PTPRG: variants seen among roughly 807,000 people sequenced by gnomAD.
PTPRG encodes protein tyrosine phosphatase receptor type G.
A neutral mutation model predicts 165.3 loss-of-function variants in PTPRG; 102 were observed. That is an observed-to-expected ratio of 0.62 (90% CI 0.53 to 0.73). PTPRG has a LOEUF of 0.73. Ranked by LOEUF, PTPRG falls within the 30% of genes least tolerant of loss-of-function variation. The pLI, the probability that PTPRG is intolerant of heterozygous loss-of-function variation, is 0.00. For missense variants in PTPRG, 1,866 were observed against 1,861.4 expected (o/e 1.00, Z -0.05); for synonymous variants, 675 against 669.5 (o/e 1.01, Z -0.13).
At chr3:61,937,139 A>G (rs2039501079) in intron 2 of PTPRG, among the ~76,000 whole-genome samples, 1 of 152,220 alleles carries the variant, frequency 6.6e-6, no homozygotes, top group South Asian at 2.1e-4. Flanking sequence ...CACTGGGGAT[A>G]TTCAGTTGCT....
At chr3:61,743,507 CTGTG>C (rs58642937) in intron 1 of PTPRG, among the ~76,000 whole-genome samples, 2 of 150,924 alleles carry the variant, frequency 1.3e-5, no homozygotes, top group African/African-American at 2.4e-5. Flanking sequence ...CCATGGGTGT[CTGTG>C]TGTGTGTGTG....
intron 1 of PTPRG, among the ~76,000 whole-genome samples, chr3:61,683,802 A>G (rs1703529542): frequency 6.6e-6 from 1 of 152,250 alleles, no homozygotes; most frequent in Non-Finnish European, 1.5e-5. Context: ...CAGAGCAAAT[A>G]AAACCACACT....
chr3:62,271,385 T>A lies in PTPRG; in HGVS notation c.3012T>A (p.Gly1004=). 1 of 1,598,294 alleles carries A rather than the reference T, an allele frequency of 6.3e-7. No homozygotes were observed. The highest frequency in any genetic ancestry group is 8.5e-7 in the Non-Finnish European group (1 of 1,173,484). The change falls in exon 21 of 30, where the codon GGT becomes GGA. Residue 1004 remains glycine (G), a splice_region_variant and synonymous_variant. Transcript: ENST00000474889. This position sits in a 1 kb window ranked among gnomAD's most constrained non-coding sequence, Gnocchi z 4.1. ...FSIRNTKVKK[G]QKGNPKGRQN... is the part of the protein sequence containing the mutation. The stretch of plus-strand genomic sequence containing the variant: ...ATCTTTTTTCACTTTTCTCACAGGG[T>A]CAGAAGGGAAATCCCAAGGGTCGTC...
At chr3:61,836,637 G>A (rs1394742014) in intron 2 of PTPRG, among the ~76,000 whole-genome samples, 1 of 152,248 alleles carries the variant, frequency 6.6e-6, no homozygotes, top group African/African-American at 2.4e-5. Context: ...TGTAGTTGAG[G>A]AAATAGAGGT....
intron 16 of PTPRG, chr3:62,262,508 CAT>C (rs1401186703): frequency 4.0e-6 from 1 of 247,920 alleles, no homozygotes; most frequent in East Asian, 8.9e-5. Flanking sequence ...TTTTCTCACC[CAT>C]AGACTATGAT....
At chr3:61,797,569 A>G (rs2035086634) in intron 2 of PTPRG, among the ~76,000 whole-genome samples, 1 of 146,486 alleles carries the variant, frequency 6.8e-6, no homozygotes, top group Non-Finnish European at 1.5e-5. Context: ...GCCTGGAGTC[A>G]TTTATCTCCA....
chr3:62,243,336 G>T (rs1278345882), intron 14 of PTPRG, among the ~76,000 whole-genome samples: 1 of 152,140 alleles, frequency 6.6e-6, no homozygotes, highest in South Asian at 2.1e-4. Flanking sequence ...TGAGGCTTAG[G>T]GGGCCTTTGC....
chr3:61,975,353 A>C (rs1334026978), intron 2 of PTPRG, among the ~76,000 whole-genome samples: 1 of 152,174 alleles, frequency 6.6e-6, no homozygotes, highest in African/African-American at 2.4e-5. Context: ...ACTTAGCACA[A>C]ATGTCTGGTA....
intron 4 of PTPRG, among the ~76,000 whole-genome samples, chr3:62,008,203 C>G (rs1325077138): frequency 6.6e-6 from 1 of 152,206 alleles, no homozygotes; most frequent in Admixed American, 6.5e-5. Context: ...TGTATTTCCA[C>G]TAATAACCAA....
Position 62,218,922 on chromosome 3 carries a change from G to A in PTPRG, c.2227G>A (p.Val743Met). The part of the protein sequence containing the change: ...GRMEWIIPLI[V>M]VSALTFVCLI... ...GATGGAGTGGATCATCCCTCTGATT[G>A]TGGTATCAGCCTTGACCTTCGTGTG... Residue 743 changes from valine (V) to methionine (M), a missense_variant, in exon 13 of 30, where the codon GTG becomes ATG. This residue lies in a region of PTPRG where 1,452 missense variants were observed against 1,463.0 expected (regional missense o/e 0.99). Transcript: ENST00000474889. The A allele has an allele frequency of 6.2e-7, 1 of 1,614,162 alleles. No individual in the cohort carries two copies. Among genetic ancestry groups the A allele is most frequent in the Non-Finnish European group, 8.5e-7 (1 of 1,180,008 alleles).
chr3:61,613,054 G>A (rs6802424), intron 1 of PTPRG, among the ~76,000 whole-genome samples: 32,429 of 152,036 alleles, frequency 0.21, 4,295 homozygotes, highest in African/African-American at 0.36. Flanking sequence ...AGTGGCTTAC[G>A]CTTAGACTGT....
At chr3:62,059,947 G>A (rs1213974227) in intron 4 of PTPRG, among the ~76,000 whole-genome samples, 1 of 152,128 alleles carries the variant, frequency 6.6e-6, no homozygotes, top group Admixed American at 6.5e-5. Flanking sequence ...GGCCTCCCCA[G>A]CTGTACTGAA....
intron 2 of PTPRG, among the ~76,000 whole-genome samples, chr3:61,822,372 G>A (rs1426961005): frequency 1.3e-5 from 2 of 152,188 alleles, no homozygotes; most frequent in Non-Finnish European, 1.5e-5. Context: ...TTTCCCTCGT[G>A]TCCCTGACTT....
rs1158331140 is a variant in PTPRG, at chr3:61,633,006, C to T, written c.85+70634C>T. ...GGTTCTTACACATGCTGTTCAGTTA[C>T]ACAGAAAGAGTCATCCCCACCATCC... is the stretch of plus-strand genomic sequence containing the variant. On this transcript the variant is annotated intron_variant, in intron 1 of 29. Coordinates refer to ENST00000474889, the MANE Select transcript of PTPRG (RefSeq NM_002841.4). Among the ~76,000 whole-genome samples the T allele has an allele frequency of 2.6e-5, 4 of 152,304 alleles. No individual in the cohort carries two copies. The East Asian group carries it at 7.7e-4, about 29-fold the overall frequency.
chr3:62,114,519 C>G (rs984880604), intron 5 of PTPRG, among the ~76,000 whole-genome samples: 4 of 152,098 alleles, frequency 2.6e-5, no homozygotes, highest in Admixed American at 1.3e-4. Context: ...GATATTCTTT[C>G]TCTTTCCTAC....
At chr3:62,064,526 C>A (rs1700939220) in intron 4 of PTPRG, among the ~76,000 whole-genome samples, 1 of 152,030 alleles carries the variant, frequency 6.6e-6, no homozygotes, top group Non-Finnish European at 1.5e-5. Flanking sequence ...TACCATTCTC[C>A]TATTTATTAT....
chr3:61,717,451 C>G (rs2031856995), intron 1 of PTPRG, among the ~76,000 whole-genome samples: 1 of 152,166 alleles, frequency 6.6e-6, no homozygotes, highest in African/African-American at 2.4e-5. Context: ...GATACACATA[C>G]ACTTTTTTTA....
chr3:62,030,712 G>A (rs545891207), intron 4 of PTPRG, among the ~76,000 whole-genome samples: 2 of 152,282 alleles, frequency 1.3e-5, no homozygotes, highest in Admixed American at 1.3e-4. Context: ...CAAACAGTAT[G>A]AAATGAGAAA....
chr3:62,274,779 C>T (rs1437453690), intron 23 of PTPRG, among the ~76,000 whole-genome samples: 2 of 152,122 alleles, frequency 1.3e-5, no homozygotes, highest in South Asian at 4.1e-4. Context: ...TCCCCATTAA[C>T]ATTCTACTAT....
Sources: gnomAD v4.1 joint callset for allele counts (sites outside exome capture counted in the v4.1 genomes callset) on GRCh38, gnomAD v4.1.1 for gene constraint, gnomAD v4.1.1 regional missense constraint, Gnocchi (gnomAD v3.1) non-coding constraint, MANE v1.5 for transcripts, NCBI Gene and HGNC (gene_info 2026-07-23, HGNC 2026-07-21) for gene names.